Variants in ELMOD1 observed in about 807,000 individuals in gnomAD.
ELMOD1 encodes the protein ELMO domain-containing protein 1.
ELMOD1 carries 21 observed loss-of-function variants against 46.7 expected under a neutral mutation model. That is an observed-to-expected ratio of 0.45 (90% confidence interval 0.32 to 0.65). ELMOD1 has a LOEUF of 0.65. Among genes scored for constraint, ELMOD1 ranks in the 30% least tolerant of loss-of-function variants. ELMOD1 has a pLI of 0.04. For synonymous variants in ELMOD1, 122 were observed against 138.2 expected, an observed-to-expected ratio of 0.88 and a Z score of 0.82; for missense variants, 348 against 407.8, an observed-to-expected ratio of 0.85 and a Z score of 1.26.
At chr11:107,593,533 C>T (rs12795977) in intron 1 of ELMOD1, among the ~76,000 whole-genome samples, 4,876 of 152,272 alleles carry the variant, frequency 0.032, 117 homozygotes, top group Middle Eastern at 0.061. Flanking sequence ...GACATGAAAT[C>T]TGGATGATTG....
intron 11 of ELMOD1, among the ~76,000 whole-genome samples, chr11:107,656,529 T>G (rs955095762): frequency 4.6e-5 from 7 of 151,276 alleles, no homozygotes; most frequent in Admixed American, 2.6e-4. Context: ...TGTAGAACAC[T>G]CCAGACAAGG....
intron 2 of ELMOD1, chr11:107,623,418 G>A (rs1230579156): frequency 6.6e-6 from 1 of 152,176 alleles, no homozygotes; most frequent in Non-Finnish European, 1.5e-5. Flanking sequence ...CCAACTCTTT[G>A]GCCACTTCAC....
chr11:107,592,152 A>G (rs542650), intron 1 of ELMOD1, among the ~76,000 whole-genome samples: 2 of 151,886 alleles, frequency 1.3e-5, no homozygotes, highest in Non-Finnish European at 2.9e-5. Context: ...CTCAGTGTTT[A>G]TGCTCAACCT....
At chr11:107,608,069 T>G (rs551137400) in intron 1 of ELMOD1, among the ~76,000 whole-genome samples, 1 of 151,968 alleles carries the variant, frequency 6.6e-6, no homozygotes, top group East Asian at 1.9e-4. Flanking sequence ...GCCTAAACTT[T>G]CTGTTTTTTA....
intron 9 of ELMOD1, 125 bp downstream of exon 9, chr11:107,651,033 T>C (rs531718303): frequency 1.9e-6 from 1 of 526,790 alleles, no homozygotes; most frequent in Non-Finnish European, 2.9e-6. Flanking sequence ...AAACCTTTAA[T>C]CTAATATAGT....
Position 107,618,295 on chromosome 11 carries a change from A to C in ELMOD1, c.17+89A>C, listed in dbSNP as rs1865893940. 15 of 1,423,272 alleles carry C rather than the reference A, an allele frequency of 1.1e-5. No individual in the cohort carries two copies. The South Asian group carries it at 1.7e-4, about 16-fold the overall frequency. 88.2% of individuals were successfully genotyped at this position (1,423,272 alleles called of 1,614,324 possible). ...GTAATATTACCAGTCATCGTTTGTG[A>C]TCCTGTGACCAGGACTCCTAAGATT... is the stretch of plus-strand genomic sequence containing the variant. On this transcript the variant is annotated intron_variant, in intron 2 of 11. Coordinates refer to ENST00000265840, the MANE Select transcript of ELMOD1 (RefSeq NM_018712.4).
intron 1 of ELMOD1, among the ~76,000 whole-genome samples, chr11:107,616,767 C>T (rs1053797254): frequency 1.3e-5 from 2 of 152,144 alleles, no homozygotes; most frequent in African/African-American, 4.8e-5. Context: ...ATTTGACACA[C>T]GCCTATTTTG....
At chr11:107,616,345 A>G (rs1254149926) in intron 1 of ELMOD1, among the ~76,000 whole-genome samples, 1 of 151,464 alleles carries the variant, frequency 6.6e-6, no homozygotes, top group Non-Finnish European at 1.5e-5. Context: ...TCAGAAAGTC[A>G]TATGTCCAGT....
At chr11:107,613,161 T>C (rs965568736) in intron 1 of ELMOD1, among the ~76,000 whole-genome samples, 1 of 152,206 alleles carries the variant, frequency 6.6e-6, no homozygotes, top group African/African-American at 2.4e-5. Context: ...GATTCTTCAC[T>C]TGACAAAATG....
intron 1 of ELMOD1, among the ~76,000 whole-genome samples, chr11:107,597,948 A>G (rs992881991): frequency 6.6e-6 from 1 of 152,198 alleles, no homozygotes; most frequent in African/African-American, 2.4e-5. Context: ...ACACCTAATC[A>G]AATTAGACAA....
chr11:107,651,542 A>G (rs1866526245), intron 9 of ELMOD1, among the ~76,000 whole-genome samples: 1 of 152,142 alleles, frequency 6.6e-6, no homozygotes, highest in Admixed American at 6.5e-5. Flanking sequence ...GCTAAGATTC[A>G]TTAAGTCATA....
chr11:107,633,081 T>C (rs1638737716), intron 5 of ELMOD1, among the ~76,000 whole-genome samples: 2 of 152,194 alleles, frequency 1.3e-5, no homozygotes, highest in African/African-American at 4.8e-5. Flanking sequence ...ATGAATTTCA[T>C]GTTTAGACTT....
chr11:107,638,230 G>T (rs920854659), intron 6 of ELMOD1, among the ~76,000 whole-genome samples: 2 of 152,134 alleles, frequency 1.3e-5, no homozygotes, highest in African/African-American at 4.8e-5. Context: ...AGCAAACTTA[G>T]GAGTGGGAAT....
At position 107,631,746 on chromosome 11, in the gene ELMOD1, T is replaced by C. The variant is rs1439457955; in HGVS notation, c.290+69T>C. The C allele has an allele frequency of 1.1e-5, 9 of 795,446 alleles. No homozygotes were observed. In the African/African-American group the frequency reaches 1.6e-4, roughly 14 times the overall value. The allele number at this position is 795,446 out of a possible 1,614,324, so 49.3% of individuals were successfully genotyped here. On this transcript the variant is annotated intron_variant, in intron 5 of 11. Coordinates refer to ENST00000265840, the MANE Select transcript of ELMOD1 (RefSeq NM_018712.4). ...CATGGCCACAGGTTTAGTGTTTCTC[T>C]GTCTCCTCTCTTTTTTTTTCTCCCT...
chr11:107,653,251 G>T (rs1359999045), intron 9 of ELMOD1, among the ~76,000 whole-genome samples: 2 of 151,960 alleles, frequency 1.3e-5, no homozygotes, highest in Non-Finnish European at 2.9e-5. Flanking sequence ...TGGGGCAGAT[G>T]CACACAGAGT....
chr11:107,647,622 C>G, intron 7 of ELMOD1, 21 bp downstream of exon 7: 1 of 1,607,392 alleles, frequency 6.2e-7, no homozygotes, highest in Non-Finnish European at 8.5e-7. Flanking sequence ...TGAAGGACAG[C>G]TAAGTGTTCG....
chr11:107,653,623 C>CTT (rs1866568041), intron 9 of ELMOD1: 4 of 150,892 alleles, frequency 2.7e-5, no homozygotes, highest in African/African-American at 4.9e-5. Context: ...CCTCCCTCTC[C>CTT]TCCTTTCCTT....
intron 2 of ELMOD1, among the ~76,000 whole-genome samples, chr11:107,626,468 C>T (rs1431862781): frequency 6.7e-6 from 1 of 150,114 alleles, no homozygotes; most frequent in East Asian, 2.0e-4. Context: ...AAATAAGAAA[C>T]AGATACACCT....
intron 5 of ELMOD1, among the ~76,000 whole-genome samples, chr11:107,632,425 T>C (rs570073822): frequency 1.3e-5 from 2 of 152,306 alleles, no homozygotes; most frequent in East Asian, 3.9e-4. Context: ...GAAAGGCTTT[T>C]ATTAATAATT....
Sources: gnomAD v4.1 joint callset for allele counts (sites outside exome capture counted in the v4.1 genomes callset) on GRCh38, gnomAD v4.1.1 for gene constraint, MANE v1.5 for transcripts, NCBI Gene and HGNC (gene_info 2026-07-23, HGNC 2026-07-21) for gene names.